ARHGAP17: variants seen among roughly 807,000 people sequenced by gnomAD.
ARHGAP17 encodes the protein Rho GTPase activating protein 17.
In ARHGAP17, 57 loss-of-function variants were observed where a neutral mutation model predicts 99.5. The ratio of observed to expected loss-of-function variants is 0.57; its 90% confidence interval spans 0.46 to 0.71. ARHGAP17 has a LOEUF of 0.71. Ranked by LOEUF, ARHGAP17 falls within the 30% of genes least tolerant of loss-of-function variation. The pLI, the probability that ARHGAP17 is intolerant of heterozygous loss-of-function variation, is 0.00. For missense variants in ARHGAP17, 1,000 were observed against 1,122.4 expected (o/e 0.89, Z 1.56); for synonymous variants, 417 against 429.6 (o/e 0.97, Z 0.36).
intron 6 of ARHGAP17, among the ~76,000 whole-genome samples, chr16:24,967,146 T>C (rs111330369): frequency 1.6e-4 from 24 of 152,380 alleles, no homozygotes; most frequent in African/African-American, 5.8e-4. Context: ...TACTTGATAA[T>C]TGCACTAGCA....
Position 24,919,992 on chromosome 16 carries a change from G to A in ARHGAP17, c.*138C>T, listed in dbSNP as rs115430812. On this transcript the variant is annotated 3_prime_UTR_variant, in exon 20 of 20. Coordinates refer to ENST00000289968, the MANE Select transcript of ARHGAP17 (RefSeq NM_001006634.3). ...AGGTTCTCCTTGGGCCGTGCAGAAG[G>A]CCAGGTCCCGCACAGTGAGGCCCTC... The A allele has an allele frequency of 3.1e-6, 4 of 1,275,308 alleles. No individual in the cohort carries two copies. The highest frequency in any genetic ancestry group is 1.5e-5 in the African/African-American group (1 of 66,594). The allele number at this position is 1,275,308 out of a possible 1,614,324, so 79.0% of individuals were successfully genotyped here. A position where few individuals can be genotyped will look rare whatever the true frequency, so the allele number is the denominator to read the frequency against.
At position 24,931,415 on chromosome 16, in the gene ARHGAP17, A is replaced by T; in HGVS notation, c.1895-11T>A. Reference sequence around the variant, plus strand: ...CGGGTTTTTTAACAGCTGCACAAAAAGAGAAAAAACACCTTTCAGTAGGAA... The same window carrying T: ...CGGGTTTTTTAACAGCTGCACAAAATGAGAAAAAACACCTTTCAGTAGGAA... On this transcript the variant is annotated splice_polypyrimidine_tract_variant and intron_variant, in intron 18 of 19. Transcript: ENST00000289968. 1 of 1,502,496 alleles carries T rather than the reference A, an allele frequency of 6.7e-7. No individual in the cohort carries two copies. Among genetic ancestry groups the T allele is most frequent in the Non-Finnish European group, 8.9e-7 (1 of 1,128,708 alleles). The allele number at this position is 1,502,496 out of a possible 1,614,324, so 93.1% of individuals were successfully genotyped here. A position where few individuals can be genotyped will look rare whatever the true frequency, so the allele number is the denominator to read the frequency against.
intron 19 of ARHGAP17, among the ~76,000 whole-genome samples, chr16:24,927,351 T>C (rs1475960786): frequency 6.6e-6 from 1 of 152,256 alleles, no homozygotes; most frequent in African/African-American, 2.4e-5. Flanking sequence ...GCCTATGTTA[T>C]ACCAAGAGCT....
intron 1 of ARHGAP17, among the ~76,000 whole-genome samples, chr16:24,981,305 A>C (rs2052667647): frequency 6.6e-6 from 1 of 152,262 alleles, no homozygotes; most frequent in Non-Finnish European, 1.5e-5. Flanking sequence ...GCAAGTATTA[A>C]CTTCAGGAAA....
At chr16:25,007,530 C>T (rs775702443) in intron 1 of ARHGAP17, among the ~76,000 whole-genome samples, 1 of 152,026 alleles carries the variant, frequency 6.6e-6, no homozygotes, top group Non-Finnish European at 1.5e-5. Context: ...CCATGCCTGG[C>T]TAAACTTTTT....
intron 17 of ARHGAP17, among the ~76,000 whole-genome samples, chr16:24,938,663 T>C (rs1302074657): frequency 6.6e-6 from 1 of 151,520 alleles, no homozygotes; most frequent in African/African-American, 2.4e-5. Context: ...TCCCAGCTAC[T>C]TGGGAGGCTT....
intron 1 of ARHGAP17, among the ~76,000 whole-genome samples, chr16:25,013,527 G>A (rs372362695): frequency 1.3e-5 from 2 of 152,002 alleles, no homozygotes; most frequent in East Asian, 1.9e-4. Context: ...TGGCTGAGGC[G>A]AGAGGGTCGC....
At chr16:25,009,555 G>C (rs1021984332) in intron 1 of ARHGAP17, among the ~76,000 whole-genome samples, 3 of 152,158 alleles carry the variant, frequency 2.0e-5, no homozygotes, top group African/African-American at 7.2e-5. Context: ...TCGGCAGCAG[G>C]GGACTGTTCT....
chr16:24,950,837 A>AAAC (rs2051615854), intron 12 of ARHGAP17, among the ~76,000 whole-genome samples: 1 of 121,676 alleles, frequency 8.2e-6, no homozygotes, highest in African/African-American at 3.4e-5. Flanking sequence ...ACTCCAACTC[A>AAAC]AAAAAAAAAA....
At chr16:25,001,098 C>A (rs542271371) in intron 1 of ARHGAP17, among the ~76,000 whole-genome samples, 1 of 152,140 alleles carries the variant, frequency 6.6e-6, no homozygotes, top group Non-Finnish European at 1.5e-5. Context: ...TACAGCTACA[C>A]ACTATTTTGG....
At position 24,930,966 on chromosome 16, in the gene ARHGAP17, G is replaced by C. The variant is rs756681354; in HGVS notation, c.2333C>G (p.Thr778Ser). 6.2e-7 allele frequency: 1 copy of C among 1,613,942 alleles called. No individual in the cohort carries two copies. Among genetic ancestry groups the C allele is most frequent in the Non-Finnish European group, 8.5e-7 (1 of 1,179,976 alleles). Residue 778 changes from threonine (T) to serine (S), a missense_variant, in exon 19 of 20, where the codon ACC (threonine) becomes AGC (serine). Physicochemically the swap from Thr to Ser is moderately conservative, Grantham distance 58. This residue lies in a region of ARHGAP17 where 528 missense variants were observed against 511.4 expected (regional missense o/e 1.03). Coordinates refer to ENST00000289968, the MANE Select transcript of ARHGAP17 (RefSeq NM_001006634.3). Reference sequence around the variant, plus strand: ...AGTTTCAGGGTTACCCCCTGCCAGGGTCTGAGGAGCTGGCAGACTGGGGTT... The same window carrying C: ...AGTTTCAGGGTTACCCCCTGCCAGGCTCTGAGGAGCTGGCAGACTGGGGTT... ...KQNPSLPAPQ[T>S]LAGGNPETAQ...
intron 1 of ARHGAP17, among the ~76,000 whole-genome samples, chr16:24,985,152 G>A (rs2141395040): frequency 6.6e-6 from 1 of 152,118 alleles, no homozygotes; most frequent in East Asian, 1.9e-4. Context: ...CTGTAGGCTA[G>A]AGGCCAGGAT....
Position 24,954,748 on chromosome 16 carries a change from T to C in ARHGAP17, c.725-18A>G. 1.9e-6 allele frequency: 3 copies of C among 1,612,926 alleles called. No homozygotes were observed. Among genetic ancestry groups the C allele is most frequent in the Non-Finnish European group, 2.5e-6 (3 of 1,179,406 alleles). ...CCACTTATCTAGAGCAGCAAATTGT[T>C]CAGTTAGACACCCAACAAACTCACG... On this transcript the variant is annotated intron_variant, in intron 9 of 19. Coordinates refer to ENST00000289968, the MANE Select transcript of ARHGAP17 (RefSeq NM_001006634.3).
At chr16:24,938,222 G>C (rs55954168) in intron 17 of ARHGAP17, among the ~76,000 whole-genome samples, 9,570 of 152,180 alleles carry the variant, frequency 0.063, 364 homozygotes, top group Middle Eastern at 0.13. Context: ...AAATTAGCCT[G>C]GCATGGTGGT....
Position 24,970,538 on chromosome 16 carries a change from C to T in ARHGAP17, c.241G>A (p.Ala81Thr), listed in dbSNP as rs2052331573. The T allele has an allele frequency of 6.2e-6, 10 of 1,614,194 alleles. No individual in the cohort carries two copies. Among genetic ancestry groups the T allele is most frequent in the Non-Finnish European group, 8.5e-6 (10 of 1,180,008 alleles). ...LTALAQNMQE[A>T]STQLEDSLLG... ...AGAGAGTCTTCCAGCTGAGTCGATGCTTCTTGCATATTTTGAGCAAGAGCT... is the reference window on the plus strand; with the variant it reads ...AGAGAGTCTTCCAGCTGAGTCGATGTTTCTTGCATATTTTGAGCAAGAGCT... The change falls in exon 4 of 20, where the codon GCA becomes ACA. Residue 81 changes from alanine (A) to threonine (T), a missense_variant. Ala to Thr is a moderately conservative substitution (Grantham distance 58). Coordinates refer to ENST00000289968, the MANE Select transcript of ARHGAP17 (RefSeq NM_001006634.3).
At position 24,943,619 on chromosome 16, in the gene ARHGAP17, C is replaced by G. The variant is rs550827944; in HGVS notation, c.1333+152G>C. On this transcript the variant is annotated intron_variant, in intron 15 of 19. Coordinates refer to ENST00000289968, the MANE Select transcript of ARHGAP17 (RefSeq NM_001006634.3). ...ATATGATTACCATCATGTCAAAATA[C>G]AAATGCAATGAACAAAGGCTGGAAA... 59 of 653,450 alleles carry G rather than the reference C, an allele frequency of 9.0e-5. No individual in the cohort carries two copies. The South Asian group carries it at 1.1e-3, about 12-fold the overall frequency. The allele number at this position is 653,450 out of a possible 1,614,324, so 40.5% of individuals were successfully genotyped here.
intron 7 of ARHGAP17, among the ~76,000 whole-genome samples, chr16:24,962,181 G>C (rs967794863): frequency 6.6e-6 from 1 of 151,850 alleles, no homozygotes; most frequent in Non-Finnish European, 1.5e-5. Context: ...AGAAGAAAAA[G>C]AAGCAGAAAG....
intron 6 of ARHGAP17, among the ~76,000 whole-genome samples, chr16:24,966,482 A>T (rs2052184099): frequency 6.6e-6 from 1 of 152,094 alleles, no homozygotes; most frequent in Non-Finnish European, 1.5e-5. Context: ...AAAATACAAA[A>T]ATTAGCCAGG....
At chr16:24,958,683 C>T (rs1362355921) in intron 9 of ARHGAP17, among the ~76,000 whole-genome samples, 3 of 152,146 alleles carry the variant, frequency 2.0e-5, no homozygotes, top group Admixed American at 6.5e-5. Flanking sequence ...TGAGGATCTC[C>T]TGGAACTTAG....
Sources: allele counts gnomAD v4.1 joint callset (sites outside exome capture counted in the v4.1 genomes callset), GRCh38; gene constraint gnomAD v4.1.1; regional missense constraint gnomAD v4.1.1; transcripts MANE v1.5; gene names NCBI Gene and HGNC (gene_info 2026-07-23, HGNC 2026-07-21).